The following PSMD14 variants were observed in gnomAD, a reference collection of about 807,000 sequenced individuals.
PSMD14 encodes the protein ubiquitin C-terminal hydrolase PSMD14.
PSMD14 carries 7 observed loss-of-function variants against 41.2 expected under a neutral mutation model. That is an observed-to-expected ratio of 0.17 (90% confidence interval 0.10 to 0.32). PSMD14 has a LOEUF of 0.32. Among genes scored for constraint, PSMD14 ranks in the 10% least tolerant of loss-of-function variants. The pLI, the probability that PSMD14 is intolerant of heterozygous loss-of-function variation, is 1.00. For synonymous variants in PSMD14, 114 were observed against 122.3 expected, an observed-to-expected ratio of 0.93 and a Z score of 0.45; for missense variants, 139 against 375.6, an observed-to-expected ratio of 0.37 and a Z score of 5.21.
intron 3 of PSMD14, among the ~76,000 whole-genome samples, chr2:161,359,204 T>A (rs1299228723): frequency 6.6e-6 from 1 of 152,174 alleles, no homozygotes; most frequent in Non-Finnish European, 1.5e-5. Flanking sequence ...GCTCCTGGGC[T>A]CAAGTGATCC....
At chr2:161,318,956 C>T in intron 3 of PSMD14, 83 bp downstream of exon 3, 1 of 1,080,090 alleles carries the variant, frequency 9.3e-7, no homozygotes, top group Non-Finnish European at 1.4e-6. Flanking sequence ...GAAATTATCC[C>T]CAAGAAAATC....
At chr2:161,341,529 A>G (rs927670657) in intron 3 of PSMD14, among the ~76,000 whole-genome samples, 1 of 151,738 alleles carries the variant, frequency 6.6e-6, no homozygotes, top group Non-Finnish European at 1.5e-5. Context: ...AGAGTTTTTA[A>G]TTTTGATAGT....
In PSMD14 at chr2:161,403,903, A is replaced by C. The variant is rs889615296; in HGVS notation, c.772-4934A>C. Among the ~76,000 whole-genome samples, 4 of 151,672 alleles carry C rather than the reference A, an allele frequency of 2.6e-5. No individual in the cohort carries two copies. In the East Asian group the frequency reaches 7.8e-4, roughly 30 times the overall value. Reference sequence around the variant, plus strand: ...TAGAACTTTGTTCTTCTATCAAATGAATTTAAATTTTTTTTTTTTTAAGGG... The same window carrying C: ...TAGAACTTTGTTCTTCTATCAAATGCATTTAAATTTTTTTTTTTTTAAGGG... On this transcript the variant is annotated intron_variant, in intron 10 of 11. Coordinates refer to ENST00000409682, the MANE Select transcript of PSMD14 (RefSeq NM_005805.6).
At chr2:161,395,019 G>A in intron 9 of PSMD14, 59 bp from the exon 10 acceptor site, 4 of 1,333,552 alleles carry the variant, frequency 3.0e-6, no homozygotes, top group Non-Finnish European at 4.0e-6. Context: ...TTTTTCTCTA[G>A]ACAATGAAGG....
chr2:161,329,380 CATA>C (rs1335646619), intron 3 of PSMD14, among the ~76,000 whole-genome samples: 3 of 152,074 alleles, frequency 2.0e-5, no homozygotes, highest in East Asian at 1.9e-4. Flanking sequence ...TAAGCACTGG[CATA>C]GTAGTATGCA....
chr2:161,409,667 A>G (rs1387592290), intron 11 of PSMD14: 1 of 152,110 alleles, frequency 6.6e-6, no homozygotes, highest in East Asian at 1.9e-4. Flanking sequence ...AGCTGCCACA[A>G]GAAGTAATGT....
rs1689048587 is a variant in PSMD14, at chr2:161,308,506, T to C, written c.-236T>C. On this transcript the variant is annotated 5_prime_UTR_variant, in exon 1 of 12. Coordinates refer to ENST00000409682, the MANE Select transcript of PSMD14 (RefSeq NM_005805.6). ...TCGCCGGTTTGCAGACAGAGCCGCG[T>C]CGGGTGTGCGCCGCTGCTGCTGTTG... 6.6e-6 allele frequency: 1 copy of C among 152,270 alleles called. No individual in the cohort carries two copies. Among genetic ancestry groups the C allele is most frequent in the African/African-American group, 2.4e-5 (1 of 41,456 alleles). The allele number at this position is 152,270 out of a possible 1,614,324, so 9.4% of individuals were successfully genotyped here. A position where few individuals can be genotyped will look rare whatever the true frequency, so the allele number is the denominator to read the frequency against.
chr2:161,365,729 T>C (rs1683349171), intron 3 of PSMD14, among the ~76,000 whole-genome samples: 1 of 152,186 alleles, frequency 6.6e-6, no homozygotes, highest in Non-Finnish European at 1.5e-5. Flanking sequence ...TTGATAAATA[T>C]ATATGTTATG....
intron 3 of PSMD14, among the ~76,000 whole-genome samples, chr2:161,343,410 A>G (rs1682995212): frequency 6.6e-6 from 1 of 152,244 alleles, no homozygotes; most frequent in Admixed American, 6.5e-5. Context: ...TTATGGTTGA[A>G]TAATATTCCA....
intron 7 of PSMD14, among the ~76,000 whole-genome samples, chr2:161,375,332 G>GT (rs1162324393): frequency 5.3e-5 from 8 of 152,116 alleles, no homozygotes; most frequent in African/African-American, 1.7e-4. Flanking sequence ...GCTTGTTTCT[G>GT]TAAGTATTAA....
At chr2:161,347,329 T>C (rs1403040941) in intron 3 of PSMD14, among the ~76,000 whole-genome samples, 2 of 152,176 alleles carry the variant, frequency 1.3e-5, no homozygotes, top group Non-Finnish European at 2.9e-5. Flanking sequence ...TTATTTATTT[T>C]TTGGGAGAGG....
At chr2:161,322,816 T>TGTA (rs1156582242) in intron 3 of PSMD14, among the ~76,000 whole-genome samples, 1 of 152,198 alleles carries the variant, frequency 6.6e-6, no homozygotes, top group Admixed American at 6.5e-5. Flanking sequence ...ATTTGGGAGT[T>TGTA]GTAGTAGGGC....
At chr2:161,369,091 T>A (rs912052513) in intron 5 of PSMD14, among the ~76,000 whole-genome samples, 2 of 151,958 alleles carry the variant, frequency 1.3e-5, no homozygotes, top group South Asian at 2.1e-4. Flanking sequence ...TGTCTTTTTA[T>A]ATTAGGCTAC....
chr2:161,368,980 G>C (rs907667522), intron 5 of PSMD14, among the ~76,000 whole-genome samples: 4 of 151,790 alleles, frequency 2.6e-5, no homozygotes, highest in Non-Finnish European at 5.9e-5. Flanking sequence ...TATCCATCTT[G>C]ATATCCATTA....
chr2:161,373,751 C>T (rs926023207), intron 7 of PSMD14, among the ~76,000 whole-genome samples: 1 of 151,728 alleles, frequency 6.6e-6, no homozygotes, highest in Non-Finnish European at 1.5e-5. Context: ...TTGTATATTT[C>T]CATTTTTATA....
At chr2:161,312,572 A>G (rs1689102372) in intron 1 of PSMD14, among the ~76,000 whole-genome samples, 1 of 152,158 alleles carries the variant, frequency 6.6e-6, no homozygotes, top group Non-Finnish European at 1.5e-5. Flanking sequence ...TTTTTGTACT[A>G]TTTTTACCAG....
chr2:161,332,555 A>G (rs577931083), intron 3 of PSMD14, among the ~76,000 whole-genome samples: 1 of 152,332 alleles, frequency 6.6e-6, no homozygotes, highest in African/African-American at 2.4e-5. Flanking sequence ...GAAATTGTTG[A>G]TCAGATGGGT....
At chr2:161,345,430 A>C (rs1683027410) in intron 3 of PSMD14, among the ~76,000 whole-genome samples, 2 of 151,470 alleles carry the variant, frequency 1.3e-5, no homozygotes, top group Non-Finnish European at 2.9e-5. Context: ...TTTTGTACAG[A>C]CAGGGTTTCA....
At chr2:161,322,714 A>C (rs1330903576) in intron 3 of PSMD14, among the ~76,000 whole-genome samples, 1 of 152,034 alleles carries the variant, frequency 6.6e-6, no homozygotes, top group Non-Finnish European at 1.5e-5. Flanking sequence ...TAATGGAGGA[A>C]TTCACAGTAA....
Sources: gnomAD v4.1 joint callset for allele counts (sites outside exome capture counted in the v4.1 genomes callset) on GRCh38, gnomAD v4.1.1 for gene constraint, MANE v1.5 for transcripts, NCBI Gene and HGNC (gene_info 2026-07-23, HGNC 2026-07-21) for gene names.